Variants in MYO1D observed in about 807,000 individuals in gnomAD.
MYO1D encodes unconventional myosin-Id.
A neutral mutation model predicts 122.0 loss-of-function variants in MYO1D; 83 were observed. That is an observed-to-expected ratio of 0.68 (90% CI 0.57 to 0.82). The LOEUF is 0.82. Ranked by LOEUF, MYO1D falls within the 40% of genes least tolerant of loss-of-function variation. The pLI is 0.00. For synonymous variants in MYO1D, 464 were observed against 446.9 expected, an observed-to-expected ratio of 1.04 and a Z score of -0.48; for missense variants, 1,157 against 1,269.5, an observed-to-expected ratio of 0.91 and a Z score of 1.35.
intron 20 of MYO1D, among the ~76,000 whole-genome samples, chr17:32,609,428 T>C (rs1412522725): frequency 6.6e-6 from 1 of 152,176 alleles, no homozygotes; most frequent in Non-Finnish European, 1.5e-5. Context: ...TCTTGGGGGA[T>C]TCACAATCCA....
In MYO1D at chr17:32,492,547, CTTTA is replaced by C. The variant is rs547038124; in HGVS notation, c.*2208_*2211del. 15 of 152,534 alleles carry C rather than the reference CTTTA, an allele frequency of 9.8e-5. No individual in the cohort carries two copies. The highest frequency in any genetic ancestry group is 4.6e-4 in the Admixed American group (7 of 15,292). 9.4% of individuals were successfully genotyped at this position (152,534 alleles called of 1,614,324 possible). On this transcript the variant is annotated 3_prime_UTR_variant, in exon 22 of 22. Transcript: ENST00000318217. Reference sequence around the variant, plus strand: ...TTCTATCCTCCCAGATAATGGTTGACTTTATTTAAGCAAAAATTTCACCAAGTTT... The same window carrying C: ...TTCTATCCTCCCAGATAATGGTTGACTTTAAGCAAAAATTTCACCAAGTTT...
At chr17:32,573,370 C>T (rs2087248387) in intron 21 of MYO1D, among the ~76,000 whole-genome samples, 1 of 152,220 alleles carries the variant, frequency 6.6e-6, no homozygotes, top group South Asian at 2.1e-4. Flanking sequence ...TGTACCACAG[C>T]TGCCACTCTA....
intron 16 of MYO1D, among the ~76,000 whole-genome samples, chr17:32,667,356 C>T (rs1204695801): frequency 6.6e-6 from 1 of 152,146 alleles, no homozygotes; most frequent in African/African-American, 2.4e-5. Flanking sequence ...TTTTAAAATG[C>T]TGGTGCTCAT....
intron 19 of MYO1D, among the ~76,000 whole-genome samples, chr17:32,639,394 T>TGTGC (rs2088159170): frequency 6.6e-6 from 1 of 150,984 alleles, no homozygotes. Flanking sequence ...TGTGTGTGTG[T>TGTGC]GTGTGTGTGT....
intron 14 of MYO1D, among the ~76,000 whole-genome samples, chr17:32,728,080 T>C (rs2089596642): frequency 1.3e-5 from 2 of 152,066 alleles, no homozygotes; most frequent in South Asian, 4.1e-4. Flanking sequence ...GCAGATAAAT[T>C]CAGAATCAAG....
intron 21 of MYO1D, among the ~76,000 whole-genome samples, chr17:32,500,589 G>C (rs1909284763): frequency 6.6e-6 from 1 of 152,152 alleles, no homozygotes; most frequent in Non-Finnish European, 1.5e-5. Context: ...GTGACTACGT[G>C]TGTTGAGCTC....
intron 16 of MYO1D, among the ~76,000 whole-genome samples, chr17:32,703,343 TTTG>T (rs991973190): frequency 6.6e-6 from 1 of 152,182 alleles, no homozygotes; most frequent in Admixed American, 6.5e-5. Context: ...CCTGTCCAAA[TTTG>T]TTGTTAATGG....
chr17:32,845,015 C>T lies in MYO1D; in HGVS notation c.95+31763G>A, dbSNP rs188516814. Among the ~76,000 whole-genome samples the T allele has an allele frequency of 2.3e-3, 351 of 151,024 alleles. 2 individuals carry two copies. Among genetic ancestry groups the T allele is most frequent in the Non-Finnish European group, 3.5e-3 (235 of 67,816 alleles). Reference sequence around the variant, plus strand: ...AATGCAGCTTAAGGCAACATATTCACGTTTCTAAAAAGTTACACACATACC... The same window carrying T: ...AATGCAGCTTAAGGCAACATATTCATGTTTCTAAAAAGTTACACACATACC... On this transcript the variant is annotated intron_variant, in intron 1 of 21. Transcript: ENST00000318217.
chr17:32,801,375 G>A (rs2090459102), intron 1 of MYO1D, among the ~76,000 whole-genome samples: 2 of 152,248 alleles, frequency 1.3e-5, no homozygotes, highest in African/African-American at 4.8e-5. Context: ...GGCAGAGACA[G>A]GGCTGAGGAT....
At chr17:32,756,053 T>C (rs887851581) in intron 10 of MYO1D, among the ~76,000 whole-genome samples, 4 of 152,158 alleles carry the variant, frequency 2.6e-5, no homozygotes, top group African/African-American at 9.7e-5. Flanking sequence ...AACCTTAAAG[T>C]ATTATCTGAT....
At chr17:32,744,738 G>C (rs2089813128) in intron 13 of MYO1D, among the ~76,000 whole-genome samples, 1 of 152,130 alleles carries the variant, frequency 6.6e-6, no homozygotes, top group Non-Finnish European at 1.5e-5. Context: ...TCCACATTTT[G>C]TTGGTTTGTG....
At chr17:32,662,913 CTTTTCT>C (rs1304043231) in intron 16 of MYO1D, among the ~76,000 whole-genome samples, 4 of 127,626 alleles carry the variant, frequency 3.1e-5, no homozygotes, top group Admixed American at 1.7e-4. Context: ...GTGCTACTTT[CTTTTCT>C]TTTTTTTTTT....
chr17:32,681,848 G>C (rs1405456802), intron 16 of MYO1D, among the ~76,000 whole-genome samples: 1 of 137,270 alleles, frequency 7.3e-6, no homozygotes, highest in Non-Finnish European at 1.5e-5. Context: ...GTTGACAGTG[G>C]GGTGTTAAAG....
Position 32,622,660 on chromosome 17 carries a change from G to C in MYO1D, c.2709+16062C>G, listed in dbSNP as rs115309150. 2.9e-3 allele frequency among the ~76,000 whole-genome samples: 444 copies of C among 152,308 alleles called. 2 individuals are homozygous for C. The highest frequency in any genetic ancestry group is 0.01 in the African/African-American group (417 of 41,566). On this transcript the variant is annotated intron_variant, in intron 20 of 21. Transcript: ENST00000318217. The stretch of plus-strand genomic sequence containing the variant: ...AACACTCCAGGGGAATGAAAACCGA[G>C]ATCAAAGATTAGACAGTGAGGGCAC...
chr17:32,824,834 C>T (rs565991958), intron 1 of MYO1D, among the ~76,000 whole-genome samples: 7 of 152,162 alleles, frequency 4.6e-5, no homozygotes, highest in Non-Finnish European at 5.9e-5. Flanking sequence ...TGCCTTCTCC[C>T]GCTCTTCCTC....
At chr17:32,617,084 G>A (rs1213771762) in intron 20 of MYO1D, among the ~76,000 whole-genome samples, 1 of 152,184 alleles carries the variant, frequency 6.6e-6, no homozygotes, top group African/African-American at 2.4e-5. Flanking sequence ...TGGAGGCTGA[G>A]GCACGAGAAT....
intron 1 of MYO1D, among the ~76,000 whole-genome samples, chr17:32,814,116 T>C (rs1349262012): frequency 1.3e-5 from 2 of 152,036 alleles, no homozygotes; most frequent in Non-Finnish European, 2.9e-5. Flanking sequence ...GAGGCCGAGG[T>C]GGGCAGATCA....
intron 14 of MYO1D, among the ~76,000 whole-genome samples, chr17:32,725,548 A>G (rs1186509867): frequency 6.9e-6 from 1 of 145,596 alleles, no homozygotes; most frequent in Non-Finnish European, 1.5e-5. Context: ...ATAGGTGAAG[A>G]AAAAAAAAAT....
At chr17:32,674,719 A>G (rs1340665441) in intron 16 of MYO1D, among the ~76,000 whole-genome samples, 1 of 152,190 alleles carries the variant, frequency 6.6e-6, no homozygotes, top group Non-Finnish European at 1.5e-5. Flanking sequence ...GTCTGCTTCT[A>G]CAGAGAAACG....
Sources: allele counts gnomAD v4.1 joint callset (sites outside exome capture counted in the v4.1 genomes callset), GRCh38; gene constraint gnomAD v4.1.1; transcripts MANE v1.5; gene names NCBI Gene and HGNC (gene_info 2026-07-23, HGNC 2026-07-21).